Variants in ACSL5 observed in about 807,000 individuals in gnomAD.
The protein encoded by ACSL5 is acyl-CoA synthetase long chain family member 5.
A neutral mutation model predicts 84.9 loss-of-function variants in ACSL5; 50 were observed. That is an observed-to-expected ratio of 0.59 (90% CI 0.47 to 0.75). ACSL5 has a LOEUF of 0.75. Ranked by LOEUF, ACSL5 falls within the 30% of genes least tolerant of loss-of-function variation. The probability of loss-of-function intolerance (pLI) is 0.00; values close to 1 mark genes in which losing one functional copy is unlikely to be tolerated. For synonymous variants in ACSL5, 280 were observed against 300.7 expected (o/e 0.93, Z 0.71); for missense variants, 775 against 830.4 (o/e 0.93, Z 0.82).
chr10:112,401,863 T>C (rs1359583174), intron 3 of ACSL5, among the ~76,000 whole-genome samples: 3 of 149,320 alleles, frequency 2.0e-5, no homozygotes, highest in African/African-American at 7.4e-5. Flanking sequence ...TTCCTTTCTT[T>C]CTTTCTTTTT....
At chr10:112,419,694 T>C (rs1844410611) in intron 14 of ACSL5, 1 of 152,248 alleles carries the variant, frequency 6.6e-6, no homozygotes, top group Non-Finnish European at 1.5e-5. Context: ...TTTGTCATGT[T>C]GGAAACATTT....
intron 3 of ACSL5, among the ~76,000 whole-genome samples, chr10:112,400,394 T>C (rs11195947): frequency 7.4e-6 from 1 of 135,402 alleles, no homozygotes; most frequent in Non-Finnish European, 1.6e-5. Context: ...TTTTTTTTCC[T>C]TTTTTTCTTT....
rs778546093 is a variant in ACSL5 at position 112,427,388 on chromosome 10, C to G, written c.*30C>G. 6 of 1,554,912 alleles carry G rather than the reference C, an allele frequency of 3.9e-6. No individual in the cohort carries two copies. The highest frequency in any genetic ancestry group is 5.2e-6 in the Non-Finnish European group (6 of 1,151,862). ...AGGTACTTAAGTACCTGCCGGCCCA[C>G]TGTGCACTGCTTGTGAGAAAATGGA... On this transcript the variant is annotated 3_prime_UTR_variant, in exon 21 of 21. Transcript: ENST00000354655.
intron 18 of ACSL5, among the ~76,000 whole-genome samples, chr10:112,425,972 T>C (rs1350307575): frequency 1.3e-5 from 2 of 152,188 alleles, no homozygotes; most frequent in Admixed American, 1.3e-4. Flanking sequence ...ATGTAGCTTT[T>C]AGGGGACAAG....
Position 112,422,371 on chromosome 10 carries a change from C to T in ACSL5, c.1523C>T (p.Pro508Leu), listed in dbSNP as rs774849932. The T allele has an allele frequency of 1.2e-6, 2 of 1,614,180 alleles. No individual in the cohort carries two copies. Among genetic ancestry groups the T allele is most frequent in the East Asian group, 2.2e-5 (1 of 44,882 alleles). The stretch of plus-strand genomic sequence containing the variant: ...GTGTTCAAAGGATACCTGAAGGACC[C>T]TGAGAAGACACAGGAAGCCCTGGAC... ...TNVFKGYLKD[P>L]EKTQEALDSD... Residue 508 changes from proline (P) to leucine (L), a missense_variant, in exon 17 of 21, where the codon CCT (proline) becomes CTT (leucine). By Grantham distance (98) the Pro-to-Leu change is moderately conservative. Coordinates refer to ENST00000354655, the MANE Select transcript of ACSL5 (RefSeq NM_203379.2).
rs1849543946 is a variant in ACSL5 at position 112,390,702 on chromosome 10, T to TAGATA, written c.-29-4216_-29-4215insAGATA. ...TAGATAGATAGATAGATAGATAGAG[T>TAGATA]GTAGTCTATCCATACAATGGGATAA... On this transcript the variant is annotated intron_variant, in intron 1 of 20. Coordinates refer to ENST00000354655, the MANE Select transcript of ACSL5 (RefSeq NM_203379.2). Among the ~76,000 whole-genome samples, 5 of 145,532 alleles carry TAGATA rather than the reference T, an allele frequency of 3.4e-5. No individual in the cohort carries two copies. In the Admixed American group the frequency reaches 3.5e-4, roughly 10 times the overall value.
chr10:112,413,731 TAAATAA>T (rs1268615427), intron 12 of ACSL5, among the ~76,000 whole-genome samples: 1 of 151,758 alleles, frequency 6.6e-6, no homozygotes, highest in Non-Finnish European at 1.5e-5. Context: ...TCTCAAAAAA[TAAATAA>T]AAATAAAATT....
chr10:112,393,441 C>T (rs11195942), intron 1 of ACSL5, among the ~76,000 whole-genome samples: 12,794 of 152,182 alleles, frequency 0.084, 666 homozygotes, highest in Non-Finnish European at 0.11. Context: ...TTTCTTGTGA[C>T]TGTTCCTGCC....
intron 7 of ACSL5, 132 bp from the exon 8 acceptor site, chr10:112,410,331 C>T (rs773879178): frequency 6.4e-7 from 1 of 1,553,680 alleles, no homozygotes; most frequent in South Asian, 1.2e-5. Flanking sequence ...GCTTCTGGTC[C>T]TGATCCAGGT....
At chr10:112,421,153 CGTTTGTTT>C (rs970832478) in intron 14 of ACSL5, among the ~76,000 whole-genome samples, 3 of 151,080 alleles carry the variant, frequency 2.0e-5, no homozygotes, top group Non-Finnish European at 4.4e-5. Context: ...TTTGTTTGTT[CGTTTGTTT>C]GTTTGTTTGT....
intron 17 of ACSL5, 22 bp from the exon 18 acceptor site, chr10:112,425,316 T>C (rs764015048): frequency 6.3e-7 from 1 of 1,586,918 alleles, no homozygotes; most frequent in Admixed American, 1.8e-5. Flanking sequence ...AAAATACTGA[T>C]ACTTTTATCT....
At chr10:112,404,645 G>A in intron 4 of ACSL5, 60 bp from the exon 5 acceptor site, 3 of 1,596,588 alleles carry the variant, frequency 1.9e-6, no homozygotes, top group Non-Finnish European at 1.7e-6. Flanking sequence ...ATACGATATT[G>A]GTCAGTTTTT....
At chr10:112,401,819 TCTTTCTTTCTTTCTTTCTTTCTTCCTTC>T (rs1277468755) in intron 3 of ACSL5, among the ~76,000 whole-genome samples, 97 of 109,446 alleles carry the variant, frequency 8.9e-4, no homozygotes, top group Non-Finnish European at 1.2e-3. Flanking sequence ...TTTCTTTCTT[TCTTTCTTTCTTTCTTTCTTTCTTCCTTC>T]CTTCCTTCCT....
rs773258835 is a variant in ACSL5, at chr10:112,422,384, G to C, written c.1536G>C (p.Gln512His). 6.8e-6 allele frequency: 11 copies of C among 1,614,068 alleles called. No homozygotes were observed. In the East Asian group the frequency reaches 8.9e-5, roughly 13 times the overall value. ...ACCTGAAGGACCCTGAGAAGACACAGGAAGCCCTGGACAGTGATGGCTGGC... is the reference window on the plus strand; with the variant it reads ...ACCTGAAGGACCCTGAGAAGACACACGAAGCCCTGGACAGTGATGGCTGGC... Reference protein sequence around the residue: ...KGYLKDPEKTQEALDSDGWLH... With the variant: ...KGYLKDPEKTHEALDSDGWLH... The change falls in exon 17 of 21, where the codon CAG becomes CAC. Residue 512 changes from glutamine (Q) to histidine (H), a missense_variant. Transcript: ENST00000354655.
chr10:112,417,862 G>T lies in ACSL5; in HGVS notation c.1235G>T (p.Arg412Met). 6.2e-7 allele frequency: 1 copy of T among 1,614,096 alleles called. No individual in the cohort carries two copies. The highest frequency in any genetic ancestry group is 8.5e-7 in the Non-Finnish European group (1 of 1,179,992). The change falls in exon 14 of 21, where the codon AGG becomes ATG. Residue 412 changes from arginine to methionine, a missense_variant. By Grantham distance (91) the Arg-to-Met change is moderately conservative. Transcript: ENST00000354655. ...ACTGAACAGGACAGCCTGGGCGGAAGGGTTCGTGTAATTGTCACTGGAGCT... is the reference window on the plus strand; with the variant it reads ...ACTGAACAGGACAGCCTGGGCGGAATGGTTCGTGTAATTGTCACTGGAGCT... ...FAKIQDSLGG[R>M]VRVIVTGAAP...
At chr10:112,411,785 A>G in intron 10 of ACSL5, 117 bp from the exon 11 acceptor site, 1 of 984,550 alleles carries the variant, frequency 1.0e-6, no homozygotes, top group Non-Finnish European at 1.6e-6. Context: ...TACACAGTGT[A>G]CCGCCTATAC....
At chr10:112,426,208 C>A in intron 18 of ACSL5, 50 bp from the exon 19 acceptor site, 2 of 1,430,020 alleles carry the variant, frequency 1.4e-6, no homozygotes, top group Non-Finnish European at 2.0e-6. Context: ...TGGGGGACAT[C>A]CCTACATAAC....
intron 4 of ACSL5, 42 bp downstream of exon 4, chr10:112,404,617 A>C (rs369252734): frequency 2.6e-5 from 42 of 1,599,758 alleles, no homozygotes; most frequent in Non-Finnish European, 3.4e-6. Flanking sequence ...TTTCTAACAT[A>C]GTATTCTGAA....
chr10:112,408,561 A>C, intron 6 of ACSL5, 40 bp downstream of exon 6: 15 of 1,310,274 alleles, frequency 1.1e-5, no homozygotes, highest in East Asian at 2.3e-5. Context: ...ATTCTTTCTC[A>C]ATGCTGAGTA....
Sources: allele counts gnomAD v4.1 joint callset (sites outside exome capture counted in the v4.1 genomes callset), GRCh38; gene constraint gnomAD v4.1.1; transcripts MANE v1.5; gene names NCBI Gene and HGNC (gene_info 2026-07-23, HGNC 2026-07-21).